The following PRKCQ variants were observed in gnomAD, a reference collection of about 807,000 sequenced individuals.
PRKCQ encodes protein kinase C theta.
PRKCQ carries 41 observed loss-of-function variants against 91.2 expected under a neutral mutation model. That is an observed-to-expected ratio of 0.45 (90% CI 0.35 to 0.58). The LOEUF (loss-of-function observed/expected upper bound fraction) is 0.58. PRKCQ is among the 20% of genes least tolerant of loss of function. PRKCQ has a pLI of 0.00. For missense variants in PRKCQ, 673 were observed against 896.5 expected, an observed-to-expected ratio of 0.75 and a Z score of 3.18; for synonymous variants, 307 against 316.9, an observed-to-expected ratio of 0.97 and a Z score of 0.33.
At chr10:6,400,143 C>T in the PRKCQ span, among the ~76,000 whole-genome samples, 7 of 152,330 alleles carry the variant, frequency 4.6e-5, no homozygotes, top group East Asian at 1.9e-4. Context: ...CTGGAGATGT[C>T]GGCTGCTGAC....
chr10:6,475,581 G>A (rs189935738), intron 12 of PRKCQ, among the ~76,000 whole-genome samples: 4 of 152,278 alleles, frequency 2.6e-5, no homozygotes, highest in Admixed American at 2.0e-4. Context: ...GAGAGCAGAT[G>A]AATAACTTCC....
intron 1 of PRKCQ, among the ~76,000 whole-genome samples, chr10:6,575,748 A>AT (rs1335633383): frequency 6.6e-6 from 1 of 152,196 alleles, no homozygotes; most frequent in African/African-American, 2.4e-5. Context: ...TATAAAGAAG[A>AT]TTTTTAAAAA....
At chr10:6,565,758 C>G (rs1342329970) in intron 1 of PRKCQ, among the ~76,000 whole-genome samples, 1 of 152,186 alleles carries the variant, frequency 6.6e-6, no homozygotes, top group African/African-American at 2.4e-5. Context: ...GCTGCCTCTG[C>G]TTCAGAACTT....
At chr10:6,577,961 G>C (rs1376562622) in intron 1 of PRKCQ, among the ~76,000 whole-genome samples, 1 of 152,192 alleles carries the variant, frequency 6.6e-6, no homozygotes, top group Admixed American at 6.5e-5. Flanking sequence ...TGGAATTTTG[G>C]TTAAAACATC....
intron 3 of PRKCQ, among the ~76,000 whole-genome samples, chr10:6,509,062 A>C (rs1588355587): frequency 1.3e-5 from 2 of 152,338 alleles, no homozygotes; most frequent in East Asian, 3.9e-4. Context: ...ATTAAGAAAT[A>C]ACCTTGGCAA....
At chr10:6,495,332 G>A (rs7922677) in intron 7 of PRKCQ, among the ~76,000 whole-genome samples, 2,281 of 152,272 alleles carry the variant, frequency 0.015, 54 homozygotes, top group African/African-American at 0.052. Flanking sequence ...TCCAGTCTGC[G>A]CAGCCCTTGC....
chr10:6,405,893 A>T, the PRKCQ span, among the ~76,000 whole-genome samples: 2 of 152,184 alleles, frequency 1.3e-5, no homozygotes, highest in African/African-American at 2.4e-5. Context: ...ACCTGTTACC[A>T]ATGTTGTCCC....
chr10:6,410,815 T>A, the PRKCQ span, among the ~76,000 whole-genome samples: 1 of 152,044 alleles, frequency 6.6e-6, no homozygotes, highest in African/African-American at 2.4e-5. Flanking sequence ...AAACCCTGTC[T>A]CTACTAAAAA....
chr10:6,536,375 G>A (rs1015773402), intron 1 of PRKCQ, among the ~76,000 whole-genome samples: 23 of 152,120 alleles, frequency 1.5e-4, no homozygotes, highest in Non-Finnish European at 2.1e-4. Flanking sequence ...GCCTGAGCCC[G>A]GGCTCTGACA....
chr10:6,551,788 C>T (rs994160133), intron 1 of PRKCQ, among the ~76,000 whole-genome samples: 2 of 152,196 alleles, frequency 1.3e-5, no homozygotes, highest in African/African-American at 2.4e-5. Context: ...CACACACGTG[C>T]GTGTGTCTTT....
intron 12 of PRKCQ, among the ~76,000 whole-genome samples, chr10:6,467,375 CAGAGAGAGACAGACAGAG>C (rs1835729395): frequency 6.5e-5 from 3 of 46,216 alleles, no homozygotes; most frequent in African/African-American, 8.8e-5. Context: ...GAGAGAGAGA[CAGAGAGAGACAGACAGAG>C]AGAGAGAGAG....
rs1835591518 is a variant in PRKCQ at position 6,465,336 on chromosome 10, A to G, written c.1354-932T>C. On this transcript the variant is annotated intron_variant, in intron 12 of 17. Transcript: ENST00000263125. This position sits in a 1 kb window ranked among gnomAD's most constrained non-coding sequence, Gnocchi z 4.4. ...TGACGGAGTTCTTCTGGCAGAGGAC[A>G]TGATGTATGTCAGTAGAGCTGGGGC... 6.6e-6 allele frequency among the ~76,000 whole-genome samples: 1 copy of G among 152,136 alleles called. No individual in the cohort carries two copies. Among genetic ancestry groups the G allele is most frequent in the Non-Finnish European group, 1.5e-5 (1 of 68,026 alleles).
At chr10:6,526,551 C>T (rs1288189852) in intron 1 of PRKCQ, among the ~76,000 whole-genome samples, 1 of 152,072 alleles carries the variant, frequency 6.6e-6, no homozygotes, top group African/African-American at 2.4e-5. Context: ...TGAGTAAAGA[C>T]CTGCACGAGG....
intron 1 of PRKCQ, among the ~76,000 whole-genome samples, chr10:6,537,193 C>A (rs909714211): frequency 1.3e-5 from 2 of 152,064 alleles, no homozygotes; most frequent in Non-Finnish European, 2.9e-5. Context: ...TTTTTTATTT[C>A]TCGCTTTGTT....
At chr10:6,499,409 A>C (rs1837785666) in intron 4 of PRKCQ, among the ~76,000 whole-genome samples, 1 of 152,222 alleles carries the variant, frequency 6.6e-6, no homozygotes, top group South Asian at 2.1e-4. Context: ...GAGAATGCTC[A>C]GGATGCCCTT....
At chr10:6,518,766 C>T (rs976705741) in intron 1 of PRKCQ, among the ~76,000 whole-genome samples, 5 of 151,802 alleles carry the variant, frequency 3.3e-5, no homozygotes, top group African/African-American at 1.2e-4. Context: ...TGCAGAGAGC[C>T]AAGATCATGT....
the PRKCQ span, among the ~76,000 whole-genome samples, chr10:6,412,499 A>T: frequency 2.0e-5 from 3 of 152,254 alleles, no homozygotes; most frequent in Non-Finnish European, 4.4e-5. Context: ...AAAGCATGCT[A>T]TAAAGTGATA....
chr10:6,501,725 G>A (rs1164117508), intron 4 of PRKCQ, among the ~76,000 whole-genome samples: 1 of 152,122 alleles, frequency 6.6e-6, no homozygotes, highest in African/African-American at 2.4e-5. Flanking sequence ...TCAGGAGGCT[G>A]AGGCAGGAGA....
At chr10:6,403,162 G>A in the PRKCQ span, among the ~76,000 whole-genome samples, 1 of 152,196 alleles carries the variant, frequency 6.6e-6, no homozygotes. Context: ...CCTGCTGGTC[G>A]CTCTCATGCC....
Sources: gnomAD v4.1 joint callset for allele counts (sites outside exome capture counted in the v4.1 genomes callset) on GRCh38, gnomAD v4.1.1 for gene constraint, Gnocchi (gnomAD v3.1) non-coding constraint, MANE v1.5 for transcripts, NCBI Gene and HGNC (gene_info 2026-07-23, HGNC 2026-07-21) for gene names.